PLPP4: variants seen among roughly 807,000 people sequenced by gnomAD.
The protein encoded by PLPP4 is phospholipid phosphatase 4, also known as diacylglycerol pyrophosphate like 2.
In PLPP4, 20 loss-of-function variants were observed where a neutral mutation model predicts 32.2. The observed-to-expected ratio is 0.62, with a 90% CI of 0.44 to 0.90. PLPP4 has a LOEUF of 0.90. Ranked by LOEUF, PLPP4 falls within the 40% of genes least tolerant of loss-of-function variation. The pLI is 0.00. For synonymous variants in PLPP4, 127 were observed against 133.0 expected (o/e 0.95, Z 0.31); for missense variants, 257 against 353.1 (o/e 0.73, Z 2.18).
intron 2 of PLPP4, among the ~76,000 whole-genome samples, chr10:120,508,664 C>T (rs1323679484): frequency 4.6e-5 from 7 of 152,130 alleles, no homozygotes; most frequent in South Asian, 4.2e-4. Context: ...CAGGGATTGA[C>T]GCCCCTTCCT....
intron 5 of PLPP4, among the ~76,000 whole-genome samples, chr10:120,524,878 G>A (rs952190134): frequency 1.1e-4 from 17 of 152,194 alleles, no homozygotes; most frequent in African/African-American, 2.9e-4. Context: ...CTCTCAGAGC[G>A]TAATCCCGAT....
intron 5 of PLPP4, among the ~76,000 whole-genome samples, chr10:120,559,629 TC>T (rs199756548): frequency 0.046 from 6,981 of 151,526 alleles, 325 homozygotes; most frequent in East Asian, 0.18. Flanking sequence ...ATTTTTTTTT[TC>T]AATGAATATA....
At chr10:120,575,893 TG>T (rs746511476) in intron 6 of PLPP4, among the ~76,000 whole-genome samples, 8 of 152,320 alleles carry the variant, frequency 5.3e-5, no homozygotes, top group Non-Finnish European at 1.0e-4. Context: ...AACCATGCCA[TG>T]TCCTTCTGCA....
intron 1 of PLPP4, among the ~76,000 whole-genome samples, chr10:120,500,666 G>A (rs1275162708): frequency 3.2e-5 from 4 of 125,592 alleles, no homozygotes; most frequent in African/African-American, 1.2e-4. Flanking sequence ...TAGAGAGGAA[G>A]GGTTTTTCTG....
At chr10:120,571,859 G>A (rs759533043) in intron 5 of PLPP4, among the ~76,000 whole-genome samples, 3 of 152,280 alleles carry the variant, frequency 2.0e-5, no homozygotes, top group South Asian at 2.1e-4. Flanking sequence ...GGCCTCAAAA[G>A]TCCTTTGTCA....
intron 1 of PLPP4, among the ~76,000 whole-genome samples, chr10:120,496,038 A>G (rs1200097823): frequency 6.6e-6 from 1 of 152,194 alleles, no homozygotes; most frequent in Non-Finnish European, 1.5e-5. Flanking sequence ...ATTTGGACTA[A>G]GTCTAATGAT....
chr10:120,520,976 G>A lies in PLPP4; in HGVS notation c.326G>A (p.Arg109His), dbSNP rs756418593. ...GTCCATGGTGTCTTTTGTAGACCTCGCCCCGATTTCTTTTACCGCTGCTTT... is the reference window on the plus strand; with the variant it reads ...GTCCATGGTGTCTTTTGTAGACCTCACCCCGATTTCTTTTACCGCTGCTTT... ...NTIKLIVGRPRPDFFYRCFPD... is the reference protein window; with the variant it reads ...NTIKLIVGRPHPDFFYRCFPD... The change falls in exon 5 of 7, where the codon CGC becomes CAC. Residue 109 changes from arginine to histidine, a missense_variant. Arg to His is a conservative substitution (Grantham distance 29). Coordinates refer to ENST00000398250, the MANE Select transcript of PLPP4 (RefSeq NM_001030059.3). The A allele has an allele frequency of 9.3e-6, 15 of 1,613,752 alleles. No individual in the cohort carries two copies. The highest frequency in any genetic ancestry group is 3.3e-5 in the Admixed American group (2 of 59,978).
chr10:120,471,931 C>G (rs1351153537), intron 1 of PLPP4, among the ~76,000 whole-genome samples: 2 of 151,972 alleles, frequency 1.3e-5, no homozygotes, highest in Admixed American at 6.6e-5. Flanking sequence ...TTATAATATG[C>G]ACTTTTTACT....
At chr10:120,536,458 A>G (rs567721877) in intron 5 of PLPP4, among the ~76,000 whole-genome samples, 1 of 152,202 alleles carries the variant, frequency 6.6e-6, no homozygotes, top group Non-Finnish European at 1.5e-5. Flanking sequence ...TGTTCAATAA[A>G]TGGTATTGGG....
intron 2 of PLPP4, 72 bp downstream of exon 2, chr10:120,503,998 T>G: frequency 9.3e-7 from 1 of 1,072,222 alleles, no homozygotes; most frequent in South Asian, 1.3e-5. Flanking sequence ...TCATCTTTGT[T>G]TTTCTAACCC....
intron 6 of PLPP4, among the ~76,000 whole-genome samples, chr10:120,577,839 A>C (rs769601901): frequency 1.3e-5 from 2 of 152,164 alleles, no homozygotes; most frequent in Non-Finnish European, 2.9e-5. Context: ...AAGGGCTCTG[A>C]GTCAGGCTCA....
At chr10:120,485,398 C>G (rs1158176239) in intron 1 of PLPP4, among the ~76,000 whole-genome samples, 1 of 152,242 alleles carries the variant, frequency 6.6e-6, no homozygotes, top group Non-Finnish European at 1.5e-5. Context: ...TCTCTCTTTT[C>G]CATACCCAAA....
intron 2 of PLPP4, among the ~76,000 whole-genome samples, chr10:120,513,385 A>G (rs1314542647): frequency 2.0e-5 from 3 of 152,222 alleles, no homozygotes; most frequent in Non-Finnish European, 2.9e-5. Context: ...TTGAGCATCT[A>G]TGTGGAGGAA....
intron 3 of PLPP4, among the ~76,000 whole-genome samples, chr10:120,515,120 A>G (rs1411767811): frequency 6.6e-6 from 1 of 152,146 alleles, no homozygotes; most frequent in Non-Finnish European, 1.5e-5. Context: ...ATCTACTTGA[A>G]ACGAACAGAA....
At chr10:120,569,111 C>T (rs1848815399) in intron 5 of PLPP4, among the ~76,000 whole-genome samples, 1 of 151,970 alleles carries the variant, frequency 6.6e-6, no homozygotes, top group African/African-American at 2.4e-5. Context: ...TGGTGATGGG[C>T]ACCTGCAATC....
intron 5 of PLPP4, among the ~76,000 whole-genome samples, chr10:120,569,781 A>T (rs1848847553): frequency 6.6e-6 from 1 of 152,176 alleles, no homozygotes; most frequent in African/African-American, 2.4e-5. Flanking sequence ...TCTACCATTT[A>T]TATTTTCATT....
At chr10:120,575,816 C>T (rs571681053) in intron 6 of PLPP4, among the ~76,000 whole-genome samples, 1 of 152,264 alleles carries the variant, frequency 6.6e-6, no homozygotes, top group Non-Finnish European at 1.5e-5. Flanking sequence ...TATATCAGTC[C>T]TGGGGTATTT....
chr10:120,487,218 T>G (rs1403578405), intron 1 of PLPP4, among the ~76,000 whole-genome samples: 1 of 152,226 alleles, frequency 6.6e-6, no homozygotes, highest in Non-Finnish European at 1.5e-5. Flanking sequence ...TGCCAACAGA[T>G]TGAGCGTGGT....
At chr10:120,567,597 G>A (rs1848748689) in intron 5 of PLPP4, among the ~76,000 whole-genome samples, 1 of 152,140 alleles carries the variant, frequency 6.6e-6, no homozygotes, top group Non-Finnish European at 1.5e-5. Flanking sequence ...TGTTGTCTGG[G>A]GCAAGTCACT....
Sources: allele counts gnomAD v4.1 joint callset (sites outside exome capture counted in the v4.1 genomes callset), GRCh38; gene constraint gnomAD v4.1.1; transcripts MANE v1.5; gene names NCBI Gene and HGNC (gene_info 2026-07-23, HGNC 2026-07-21).